Variants in TTC17 observed in about 807,000 individuals in gnomAD.
The protein encoded by TTC17 is tetratricopeptide repeat protein 17.
Under a neutral mutation model 143.8 loss-of-function variants are expected in TTC17, and 58 were observed. The ratio of observed to expected loss-of-function variants is 0.40; its 90% CI spans 0.33 to 0.50. TTC17 has a LOEUF of 0.50. Ranked by LOEUF, TTC17 falls within the 20% of genes least tolerant of loss-of-function variation. TTC17 has a pLI of 0.49. For missense variants in TTC17, 1,273 were observed against 1,392.5 expected, an observed-to-expected ratio of 0.91 and a Z score of 1.37; for synonymous variants, 501 against 497.8, an observed-to-expected ratio of 1.01 and a Z score of -0.09.
intron 1 of TTC17, among the ~76,000 whole-genome samples, chr11:43,374,446 T>C (rs1856686775): frequency 6.6e-6 from 1 of 152,088 alleles, no homozygotes; most frequent in Non-Finnish European, 1.5e-5. Context: ...ACTAAAAAGC[T>C]TCTGCACAGC....
chr11:43,494,136 A>G lies in TTC17; in HGVS notation c.*232A>G. ...AGAAACACACATTTCTTAAAAGGAA[A>G]GTGCAGCTTCAAGATATTGTGTAAA... On this transcript the variant is annotated 3_prime_UTR_variant, in exon 24 of 24. Coordinates refer to ENST00000039989, the MANE Select transcript of TTC17 (RefSeq NM_018259.6). 1 of 455,494 alleles carries G rather than the reference A, an allele frequency of 2.2e-6. No individual in the cohort carries two copies. The highest frequency in any genetic ancestry group is 3.9e-5 in the Admixed American group (1 of 25,700). 28.2% of individuals were successfully genotyped at this position (455,494 alleles called of 1,614,324 possible).
rs3083209 is a variant in TTC17 at position 43,367,714 on chromosome 11, C to CTGTGTGTGTG, written c.159+8625_159+8634dup. The stretch of plus-strand genomic sequence containing the variant: ...GCAGAAGTGAAAACAAGGGGAATGT[C>CTGTGTGTGTG]TGTGTGTGTGTGTGTGTGTGTGTGT... On this transcript the variant is annotated intron_variant, in intron 1 of 23. Transcript: ENST00000039989. Among the ~76,000 whole-genome samples, 31 of 147,188 alleles carry CTGTGTGTGTG rather than the reference C, an allele frequency of 2.1e-4. No homozygotes were observed. In the East Asian group the frequency reaches 2.2e-3, roughly 11 times the overall value.
In TTC17 at chr11:43,494,631, T is replaced by A. The variant is rs1225338553; in HGVS notation, c.*727T>A. 1 of 152,126 alleles carries A rather than the reference T, an allele frequency of 6.6e-6. No homozygotes were observed. The highest frequency in any genetic ancestry group is 1.5e-5 in the Non-Finnish European group (1 of 68,034). 9.4% of individuals were successfully genotyped at this position (152,126 alleles called of 1,614,324 possible). On this transcript the variant is annotated 3_prime_UTR_variant, in exon 24 of 24. Coordinates refer to ENST00000039989, the MANE Select transcript of TTC17 (RefSeq NM_018259.6). ...TACAAATCACAAGGAAACCAATAAG[T>A]TGAAATCCTATATAACAGGTTTATA...
intron 16 of TTC17, among the ~76,000 whole-genome samples, chr11:43,419,090 A>G (rs926487712): frequency 4.6e-5 from 7 of 152,226 alleles, no homozygotes; most frequent in African/African-American, 1.7e-4. Flanking sequence ...ATAATTAAGC[A>G]TTAAACCCAA....
intron 21 of TTC17, among the ~76,000 whole-genome samples, chr11:43,478,107 T>C (rs903131928): frequency 2.0e-5 from 3 of 152,180 alleles, no homozygotes; most frequent in Non-Finnish European, 4.4e-5. Flanking sequence ...CAAAGGAGCA[T>C]GTTAAATGGT....
intron 16 of TTC17, among the ~76,000 whole-genome samples, chr11:43,442,248 A>G (rs1947440213): frequency 6.6e-6 from 1 of 152,184 alleles, no homozygotes; most frequent in African/African-American, 2.4e-5. Flanking sequence ...TTCATCATTG[A>G]CCAGAACTTC....
In TTC17 at chr11:43,358,946, G is replaced by T; in HGVS notation, c.-9G>T. ...CTTCCGGTGTGAGCGGCCCGGCCGG[G>T]GGGGCAAGATGGCGGCGGCAGTAGG... On this transcript the variant is annotated 5_prime_UTR_variant, in exon 1 of 24. Transcript: ENST00000039989. The T allele has an allele frequency of 1.3e-6, 2 of 1,569,736 alleles. No individual in the cohort carries two copies. The highest frequency in any genetic ancestry group is 8.6e-7 in the Non-Finnish European group (1 of 1,158,800).
intron 2 of TTC17, among the ~76,000 whole-genome samples, chr11:43,383,041 A>G (rs1345156048): frequency 6.6e-6 from 1 of 152,012 alleles, no homozygotes; most frequent in Non-Finnish European, 1.5e-5. Context: ...CTGGGACCAC[A>G]GGCGTGCACA....
At chr11:43,492,385 A>G (rs58777675) in intron 23 of TTC17, among the ~76,000 whole-genome samples, 8,925 of 152,210 alleles carry the variant, frequency 0.059, 289 homozygotes, top group African/African-American at 0.094. Context: ...TAGTTCCTCA[A>G]CATGAGTTGA....
chr11:43,474,074 A>G (rs1948140862), intron 21 of TTC17, among the ~76,000 whole-genome samples: 1 of 152,198 alleles, frequency 6.6e-6, no homozygotes, highest in African/African-American at 2.4e-5. Context: ...TTGTAACCTG[A>G]TTTGTAGCAA....
chr11:43,381,179 A>G (rs1856954533), intron 2 of TTC17, among the ~76,000 whole-genome samples: 1 of 152,242 alleles, frequency 6.6e-6, no homozygotes, highest in East Asian at 1.9e-4. Flanking sequence ...TATACTAAAT[A>G]TAAACTTCTA....
intron 1 of TTC17, among the ~76,000 whole-genome samples, chr11:43,361,152 G>T (rs533980068): frequency 6.6e-6 from 1 of 152,298 alleles, no homozygotes; most frequent in South Asian, 2.1e-4. Flanking sequence ...AGCTGATTGT[G>T]CATGACCCAT....
chr11:43,389,052 C>A (rs537760724), intron 2 of TTC17, among the ~76,000 whole-genome samples: 5 of 149,430 alleles, frequency 3.3e-5, no homozygotes, highest in Non-Finnish European at 4.5e-5. Context: ...GTGAGAGGAT[C>A]GCTTGAGCCC....
In TTC17 at chr11:43,407,472, C is replaced by T. The variant is rs780079625; in HGVS notation, c.1959C>T (p.Tyr653=). The T allele has an allele frequency of 2.6e-5, 42 of 1,613,882 alleles. No homozygotes were observed. Among genetic ancestry groups the T allele is most frequent in the Non-Finnish European group, 3.5e-5 (41 of 1,179,974 alleles). The change falls in exon 15 of 24, where the codon TAC becomes TAT. Residue 653 remains tyrosine, a synonymous_variant. Transcript: ENST00000039989. ...QRALNLAPLQ[Y]QDVPLVNLAN... is the part of the protein sequence containing the mutation. ...CTTTGAATTTAGCTCCACTTCAATA[C>T]CAAGATGTTCCTCTTGTCAACTTGG...
chr11:43,386,020 C>T (rs1410041795), intron 2 of TTC17, among the ~76,000 whole-genome samples: 2 of 151,386 alleles, frequency 1.3e-5, no homozygotes, highest in African/African-American at 2.4e-5. Context: ...AAAAACTAGA[C>T]CAATATATTT....
At position 43,494,419 on chromosome 11, in the gene TTC17, G is replaced by C. The variant is rs1411500561; in HGVS notation, c.*515G>C. On this transcript the variant is annotated 3_prime_UTR_variant, in exon 24 of 24. Coordinates refer to ENST00000039989, the MANE Select transcript of TTC17 (RefSeq NM_018259.6). ...CCAGTCTTGTCCATTCCATGCTGCT[G>C]TGTTACAAACTCTCAGAGGTAGTTT... 1.3e-5 allele frequency: 2 copies of C among 152,356 alleles called. No homozygotes were observed. Among genetic ancestry groups the C allele is most frequent in the Non-Finnish European group, 2.9e-5 (2 of 68,214 alleles). 9.4% of individuals were successfully genotyped at this position (152,356 alleles called of 1,614,324 possible).
At position 43,407,373 on chromosome 11, in the gene TTC17, C is replaced by T. The variant is rs1408028742; in HGVS notation, c.1860C>T (p.Leu620=). ...AINKPNAPIW[L]ILNEAGLYWR... is the part of the protein sequence containing the mutation. ...TTCAGCCAAATGCTCCTATCTGGCT[C>T]ATACTCAATGAAGCTGGACTATACT... The change falls in exon 15 of 24, where the codon CTC becomes CTT. Residue 620 remains leucine, a synonymous_variant. Coordinates refer to ENST00000039989, the MANE Select transcript of TTC17 (RefSeq NM_018259.6). 1.1e-5 allele frequency: 18 copies of T among 1,613,668 alleles called. No homozygotes were observed. Among genetic ancestry groups the T allele is most frequent in the Non-Finnish European group, 1.5e-5 (18 of 1,179,940 alleles).
intron 16 of TTC17, among the ~76,000 whole-genome samples, chr11:43,421,466 G>A (rs1946903125): frequency 6.6e-6 from 1 of 152,178 alleles, no homozygotes; most frequent in Non-Finnish European, 1.5e-5. Context: ...CAACACAGCA[G>A]GAGGTGAGTG....
At chr11:43,438,355 C>T (rs749297087) in intron 16 of TTC17, among the ~76,000 whole-genome samples, 3 of 152,182 alleles carry the variant, frequency 2.0e-5, no homozygotes, top group South Asian at 4.1e-4. Flanking sequence ...GATGGGGTTT[C>T]ACTGTGTTGC....
Sources: gnomAD v4.1 joint callset for allele counts (sites outside exome capture counted in the v4.1 genomes callset) on GRCh38, gnomAD v4.1.1 for gene constraint, MANE v1.5 for transcripts, NCBI Gene and HGNC (gene_info 2026-07-23, HGNC 2026-07-21) for gene names.